TMEM163: variants seen among roughly 807,000 people sequenced by gnomAD.
The protein encoded by TMEM163 is transmembrane protein 163.
TMEM163 carries 17 observed loss-of-function variants against 29.3 expected under a neutral mutation model. The observed-to-expected ratio is 0.58, with a 90% CI of 0.40 to 0.87. The LOEUF (loss-of-function observed/expected upper bound fraction) is 0.87, where lower values mean the gene tolerates loss of function less well. Ranked by LOEUF, TMEM163 falls within the 40% of genes least tolerant of loss-of-function variation. The pLI is 0.00. For synonymous variants in TMEM163, 157 were observed against 160.6 expected (o/e 0.98, Z 0.17); for missense variants, 303 against 381.5 (o/e 0.79, Z 1.71).
At chr2:134,459,984 A>C (rs569232158) in intron 6 of TMEM163, among the ~76,000 whole-genome samples, 1 of 151,984 alleles carries the variant, frequency 6.6e-6, no homozygotes, top group East Asian at 2.0e-4. Flanking sequence ...CATGCTCCGT[A>C]GATGGGGCCA....
intron 4 of TMEM163, among the ~76,000 whole-genome samples, chr2:134,512,183 C>A (rs561749357): frequency 6.6e-6 from 1 of 152,168 alleles, no homozygotes; most frequent in Non-Finnish European, 1.5e-5. Context: ...GAGGCCCAGG[C>A]GCAATGTCTC....
chr2:134,515,752 T>C (rs1680043642), intron 4 of TMEM163, among the ~76,000 whole-genome samples: 2 of 152,116 alleles, frequency 1.3e-5, no homozygotes, highest in African/African-American at 4.8e-5. Flanking sequence ...TACATAAAAA[T>C]AAATCTAAAC....
At chr2:134,669,916 C>G (rs1459804935) in intron 2 of TMEM163, among the ~76,000 whole-genome samples, 1 of 152,138 alleles carries the variant, frequency 6.6e-6, no homozygotes, top group Admixed American at 6.6e-5. Context: ...TGACCAGGCA[C>G]CATGTGAGGA....
At chr2:134,697,763 C>G (rs1486360673) in intron 2 of TMEM163, among the ~76,000 whole-genome samples, 1 of 151,996 alleles carries the variant, frequency 6.6e-6, no homozygotes, top group Non-Finnish European at 1.5e-5. Context: ...CAAAAATAAA[C>G]ACATGTGGTG....
intron 2 of TMEM163, among the ~76,000 whole-genome samples, chr2:134,697,553 C>T (rs1023762033): frequency 2.0e-5 from 3 of 151,358 alleles, no homozygotes; most frequent in Admixed American, 2.0e-4. Context: ...CAACCTCCGC[C>T]TCCCGGGTTC....
chr2:134,574,811 TAGG>T (rs1681512058), intron 2 of TMEM163, among the ~76,000 whole-genome samples: 1 of 152,158 alleles, frequency 6.6e-6, no homozygotes, highest in South Asian at 2.1e-4. Context: ...TGCAGCTGTG[TAGG>T]AGATTTGCTG....
chr2:134,670,075 C>T (rs981661957), intron 2 of TMEM163, among the ~76,000 whole-genome samples: 6 of 152,044 alleles, frequency 3.9e-5, no homozygotes, highest in African/African-American at 1.4e-4. Flanking sequence ...CTGTTTTAGG[C>T]CACTGTGTTT....
chr2:134,705,154 G>A (rs1684781392), intron 2 of TMEM163, among the ~76,000 whole-genome samples: 1 of 151,532 alleles, frequency 6.6e-6, no homozygotes, highest in Non-Finnish European at 1.5e-5. Flanking sequence ...AGGTTACAGT[G>A]AGCTGTGATC....
chr2:134,485,032 G>A (rs574992620), intron 5 of TMEM163, among the ~76,000 whole-genome samples: 25 of 152,308 alleles, frequency 1.6e-4, no homozygotes, highest in African/African-American at 3.1e-4. Flanking sequence ...ATTTCTGGCC[G>A]TATCAATCAG....
intron 2 of TMEM163, among the ~76,000 whole-genome samples, chr2:134,641,483 T>G (rs374534724): frequency 6.6e-6 from 1 of 152,178 alleles, no homozygotes; most frequent in East Asian, 1.9e-4. Flanking sequence ...GAAATTAACC[T>G]TTTAACTTCT....
chr2:134,694,580 T>G (rs144775608), intron 2 of TMEM163, among the ~76,000 whole-genome samples: 1 of 152,360 alleles, frequency 6.6e-6, no homozygotes, highest in Non-Finnish European at 1.5e-5. Context: ...TCCCTAAGAA[T>G]GCTCTCTTTA....
At chr2:134,703,046 T>C (rs1574351704) in intron 2 of TMEM163, among the ~76,000 whole-genome samples, 1 of 152,226 alleles carries the variant, frequency 6.6e-6, no homozygotes, top group African/African-American at 2.4e-5. Context: ...CAGGATATAC[T>C]GAAGACATTT....
At chr2:134,503,968 A>T (rs1057149835) in intron 4 of TMEM163, among the ~76,000 whole-genome samples, 15 of 152,358 alleles carry the variant, frequency 9.8e-5, no homozygotes, top group African/African-American at 3.6e-4. Flanking sequence ...AAGATAAAAA[A>T]TACAAGAGTG....
chr2:134,606,501 C>A (rs1462174820), intron 2 of TMEM163, among the ~76,000 whole-genome samples: 3 of 152,346 alleles, frequency 2.0e-5, no homozygotes, highest in Middle Eastern at 6.8e-3. Flanking sequence ...CTGGCCCACC[C>A]TGCAGAATCA....
At chr2:134,709,798 A>T (rs1190604046) in intron 2 of TMEM163, among the ~76,000 whole-genome samples, 1 of 152,246 alleles carries the variant, frequency 6.6e-6, no homozygotes, top group African/African-American at 2.4e-5. Flanking sequence ...GCTGACCAGC[A>T]TTAGCATCAA....
intron 5 of TMEM163, among the ~76,000 whole-genome samples, chr2:134,478,327 G>A (rs1462244650): frequency 6.6e-6 from 1 of 152,204 alleles, no homozygotes; most frequent in Admixed American, 6.5e-5. Context: ...AGAATTTGGA[G>A]GGCTCAGGAG....
intron 2 of TMEM163, among the ~76,000 whole-genome samples, chr2:134,621,675 G>A (rs1682737897): frequency 1.3e-5 from 2 of 151,792 alleles, no homozygotes; most frequent in African/African-American, 4.9e-5. Context: ...CGAATTACGA[G>A]GTCAGGAGAT....
At chr2:134,716,054 A>C (rs1317369925) in intron 1 of TMEM163, among the ~76,000 whole-genome samples, 1 of 152,172 alleles carries the variant, frequency 6.6e-6, no homozygotes, top group Non-Finnish European at 1.5e-5. Context: ...CCTTTCTCCT[A>C]AGTTTGTCAA....
chr2:134,519,929 T>C (rs891382980), intron 4 of TMEM163, among the ~76,000 whole-genome samples: 1 of 149,142 alleles, frequency 6.7e-6, no homozygotes, highest in African/African-American at 2.5e-5. Context: ...ACAAACATCC[T>C]CTGAAGACTG....
Sources: allele counts gnomAD v4.1 joint callset (sites outside exome capture counted in the v4.1 genomes callset), GRCh38; gene constraint gnomAD v4.1.1; transcripts MANE v1.5; gene names NCBI Gene and HGNC (gene_info 2026-07-23, HGNC 2026-07-21).